DNAJC10: variants seen among roughly 807,000 people sequenced by gnomAD.
DNAJC10 encodes the protein DnaJ heat shock protein family (Hsp40) member C10.
In DNAJC10, 101 loss-of-function variants were observed where a neutral mutation model predicts 115.0. The ratio of observed to expected loss-of-function variants is 0.88; its 90% CI spans 0.75 to 1.04. The LOEUF (loss-of-function observed/expected upper bound fraction) is 1.04, where lower values mean the gene tolerates loss of function less well. Ranked by LOEUF, DNAJC10 falls within the 50% of genes least tolerant of loss-of-function variation. The probability of loss-of-function intolerance (pLI) is 0.00; values close to 1 mark genes in which losing one functional copy is unlikely to be tolerated. For synonymous variants in DNAJC10, 307 were observed against 301.5 expected, an observed-to-expected ratio of 1.02 and a Z score of -0.19; for missense variants, 981 against 928.8, an observed-to-expected ratio of 1.06 and a Z score of -0.73.
At chr2:182,739,694 G>A (rs555054770) in intron 11 of DNAJC10, 13 of 1,029,990 alleles carry the variant, frequency 1.3e-5, no homozygotes, top group Middle Eastern at 3.1e-4. Context: ...CCGAAAACAA[G>A]TTTAAGATAA....
intron 16 of DNAJC10, chr2:182,752,692 T>A: frequency 3.1e-6 from 1 of 323,208 alleles, no homozygotes; most frequent in Non-Finnish European, 4.3e-6. Context: ...GTACGTAATA[T>A]CACGTATAAA....
At chr2:182,745,133 A>T (rs1693828199) in intron 14 of DNAJC10, among the ~76,000 whole-genome samples, 1 of 152,210 alleles carries the variant, frequency 6.6e-6, no homozygotes, top group Non-Finnish European at 1.5e-5. Context: ...ATTCCTTAGC[A>T]TAGAAGCAAT....
In DNAJC10 at chr2:182,791,986, T is replaced by A. The variant is rs1695058951; in HGVS notation, c.*14854T>A. 1 of 152,202 alleles carries A rather than the reference T, an allele frequency of 6.6e-6. No homozygotes were observed. Among genetic ancestry groups the A allele is most frequent in the African/African-American group, 2.4e-5 (1 of 41,460 alleles). 9.4% of individuals were successfully genotyped at this position (152,202 alleles called of 1,614,324 possible). On this transcript the variant is annotated 3_prime_UTR_variant, in exon 24 of 24. Transcript: ENST00000264065. ...TGCAATAATCTAGAGAATCAGAGAATTGGATCCTGAAACACCTTATAAGTT... is the reference window on the plus strand; with the variant it reads ...TGCAATAATCTAGAGAATCAGAGAAATGGATCCTGAAACACCTTATAAGTT...
intron 23 of DNAJC10, 32 bp from the exon 24 acceptor site, chr2:182,777,089 C>T (rs1694725197): frequency 1.5e-6 from 2 of 1,340,332 alleles, no homozygotes; most frequent in East Asian, 2.6e-5. Context: ...ATACTTTCTC[C>T]TTTCTCTATC....
chr2:182,777,045 T>C, intron 23 of DNAJC10, 76 bp from the exon 24 acceptor site: 3 of 957,222 alleles, frequency 3.1e-6, no homozygotes, highest in Non-Finnish European at 4.4e-6. Context: ...TGTTGGTTTG[T>C]GGTATTTCAC....
At position 182,763,988 on chromosome 2, in the gene DNAJC10, T is replaced by C. The variant is rs575205840; in HGVS notation, c.2265+1187T>C. Among the ~76,000 whole-genome samples, 8 of 152,216 alleles carry C rather than the reference T, an allele frequency of 5.3e-5. No homozygotes were observed. In the South Asian group the frequency reaches 1.7e-3, roughly 32 times the overall value. On this transcript the variant is annotated intron_variant, in intron 22 of 23. Transcript: ENST00000264065. ...TTTCTTGTAATTGCTGAAGGGTACT[T>C]GTTTGTAGTTGCTGTGACTATTCTT...
intron 22 of DNAJC10, among the ~76,000 whole-genome samples, chr2:182,769,366 G>A (rs1694500549): frequency 6.6e-6 from 1 of 152,114 alleles, no homozygotes; most frequent in Non-Finnish European, 1.5e-5. Context: ...GGGTAAAATG[G>A]TAATTCTAAT....
intron 22 of DNAJC10, among the ~76,000 whole-genome samples, chr2:182,768,978 C>G (rs1694488303): frequency 6.6e-6 from 1 of 152,088 alleles, no homozygotes; most frequent in African/African-American, 2.4e-5. Flanking sequence ...CTCCCCCAGC[C>G]CTGAACTCCC....
chr2:182,748,339 G>A (rs549276202), intron 14 of DNAJC10, among the ~76,000 whole-genome samples: 4 of 152,256 alleles, frequency 2.6e-5, no homozygotes, highest in East Asian at 1.9e-4. Context: ...GGTAGAATTC[G>A]GCTGTGAATC....
chr2:182,754,965 T>C (rs1486143496), intron 16 of DNAJC10, 38 bp from the exon 17 acceptor site: 4 of 1,424,178 alleles, frequency 2.8e-6, no homozygotes, highest in Non-Finnish European at 3.9e-6. Context: ...ATAGGTGAAA[T>C]CTATAAAATC....
intron 11 of DNAJC10, among the ~76,000 whole-genome samples, chr2:182,738,622 G>C (rs1028094543): frequency 2.6e-5 from 4 of 151,766 alleles, no homozygotes; most frequent in Admixed American, 2.6e-4. Flanking sequence ...CTCACTGCAA[G>C]CTCCACCTCC....
Position 182,784,228 on chromosome 2 carries a change from G to A in DNAJC10, c.*7096G>A, listed in dbSNP as rs1470438156. 4.6e-5 allele frequency: 7 copies of A among 152,092 alleles called. No homozygotes were observed. Among genetic ancestry groups the A allele is most frequent in the Non-Finnish European group, 8.8e-5 (6 of 68,048 alleles). 9.4% of individuals were successfully genotyped at this position (152,092 alleles called of 1,614,324 possible). A position where few individuals can be genotyped will look rare whatever the true frequency, so the allele number is the denominator to read the frequency against. On this transcript the variant is annotated 3_prime_UTR_variant, in exon 24 of 24. Coordinates refer to ENST00000264065, the MANE Select transcript of DNAJC10 (RefSeq NM_018981.4). The stretch of plus-strand genomic sequence containing the variant: ...TGTAATCATCTACCCTGGAGGCTGA[G>A]ACAGGAGAATTGCATGAACCCGGAG...
At chr2:182,761,095 A>C (rs1375579113) in intron 21 of DNAJC10, among the ~76,000 whole-genome samples, 1 of 152,174 alleles carries the variant, frequency 6.6e-6, no homozygotes, top group African/African-American at 2.4e-5. Context: ...CATGAAAGAA[A>C]AGGAAGATGA....
rs777095616 is a variant in DNAJC10 at position 182,752,176 on chromosome 2, A to C, written c.1539A>C (p.Gly513=). ...FGTLDCTVHE[G]LCNMYNIQAY... Reference sequence around the variant, plus strand: ...CACTAGATTGTACAGTTCATGAGGGACTCTGTAACATGGTAAGGCAAAGTA... The same window carrying C: ...CACTAGATTGTACAGTTCATGAGGGCCTCTGTAACATGGTAAGGCAAAGTA... Residue 513 remains glycine (G), a synonymous_variant, in exon 16 of 24, where the codon GGA becomes GGC. Transcript: ENST00000264065. 3 of 1,538,548 alleles carry C rather than the reference A, an allele frequency of 1.9e-6. No homozygotes were observed. The South Asian group carries it at 3.9e-5, about 20-fold the overall frequency.
intron 22 of DNAJC10, among the ~76,000 whole-genome samples, chr2:182,769,922 A>T (rs529828424): frequency 6.6e-6 from 1 of 152,254 alleles, no homozygotes; most frequent in African/African-American, 2.4e-5. Context: ...GGTATTGCCT[A>T]GGTTTTCTTC....
chr2:182,719,673 T>C (rs1185088306), intron 3 of DNAJC10, among the ~76,000 whole-genome samples: 1 of 152,108 alleles, frequency 6.6e-6, no homozygotes, highest in African/African-American at 2.4e-5. Flanking sequence ...GAGTAAAAAA[T>C]ATTTATGAAA....
chr2:182,753,164 G>A (rs1694068094), intron 16 of DNAJC10, among the ~76,000 whole-genome samples: 1 of 152,114 alleles, frequency 6.6e-6, no homozygotes, highest in African/African-American at 2.4e-5. Context: ...GATCTTGGGA[G>A]TAGACTAGAA....
chr2:182,739,197 T>G (rs1321970546), intron 11 of DNAJC10, among the ~76,000 whole-genome samples: 7 of 143,670 alleles, frequency 4.9e-5, no homozygotes, highest in Non-Finnish European at 1.1e-4. Flanking sequence ...ATCATATATA[T>G]TTATATATAT....
intron 21 of DNAJC10, among the ~76,000 whole-genome samples, chr2:182,759,609 C>T (rs1694242444): frequency 6.6e-6 from 1 of 152,100 alleles, no homozygotes; most frequent in South Asian, 2.1e-4. Context: ...CTCTGTTGCC[C>T]TCCAGGCAGT....
Sources: gnomAD v4.1 joint callset for allele counts (sites outside exome capture counted in the v4.1 genomes callset) on GRCh38, gnomAD v4.1.1 for gene constraint, MANE v1.5 for transcripts, NCBI Gene and HGNC (gene_info 2026-07-23, HGNC 2026-07-21) for gene names.